Variants in STON2 observed in about 807,000 individuals in gnomAD.
The protein encoded by STON2 is stonin 2, also known as stonin-2.
In STON2, 29 loss-of-function variants were observed where a neutral mutation model predicts 65.7. The observed-to-expected ratio is 0.44, with a 90% CI of 0.33 to 0.60. The LOEUF (loss-of-function observed/expected upper bound fraction) is 0.60. Among genes scored for constraint, STON2 ranks in the 20% least tolerant of loss-of-function variants. The pLI, the probability that STON2 is intolerant of heterozygous loss-of-function variation, is 0.03. For missense variants in STON2, 1,054 were observed against 1,118.1 expected (o/e 0.94, Z 0.82); for synonymous variants, 404 against 414.2 (o/e 0.98, Z 0.30).
chr14:81,267,690 C>T lies in STON2; in HGVS notation c.*724G>A, dbSNP rs1894410149. The T allele has an allele frequency of 1.0e-6, 1 of 985,436 alleles. No individual in the cohort carries two copies. The highest frequency in any genetic ancestry group is 1.2e-6 in the Non-Finnish European group (1 of 829,918). 61.0% of individuals were successfully genotyped at this position (985,436 alleles called of 1,614,324 possible). A position where few individuals can be genotyped will look rare whatever the true frequency, so the allele number is the denominator to read the frequency against. ...AAGATTAATTTTGCCTTCCCCTCAA[C>T]ACCCATTTTGCAGAATGTGGGTCCA... On this transcript the variant is annotated 3_prime_UTR_variant, in exon 8 of 8. Coordinates refer to ENST00000614646, the MANE Select transcript of STON2 (RefSeq NM_001394390.1).
At chr14:81,308,781 C>CACATATATATATAT (rs1317324049) in intron 5 of STON2, among the ~76,000 whole-genome samples, 18 of 9,034 alleles carry the variant, frequency 2.0e-3, no homozygotes, top group Non-Finnish European at 2.2e-3. Flanking sequence ...TGGTTTTACC[C>CACATATATATATAT]ATATATATAT....
intron 3 of STON2, chr14:81,395,155 T>C (rs976073830): frequency 6.6e-6 from 1 of 152,238 alleles, no homozygotes; most frequent in African/African-American, 2.4e-5. Context: ...ATTCAAGAGT[T>C]CTGAAGTGTG....
chr14:81,371,761 A>G (rs1230115505), intron 3 of STON2, among the ~76,000 whole-genome samples: 1 of 152,110 alleles, frequency 6.6e-6, no homozygotes, highest in Non-Finnish European at 1.5e-5. Flanking sequence ...AACACAAGTT[A>G]CTTCAGGGTC....
chr14:81,375,957 C>A (rs1899233553), intron 3 of STON2, among the ~76,000 whole-genome samples: 1 of 150,650 alleles, frequency 6.6e-6, no homozygotes, highest in African/African-American at 2.4e-5. Flanking sequence ...AAGAAACATA[C>A]TTCTAAATAA....
intron 2 of STON2, chr14:81,413,091 A>T: frequency 9.0e-7 from 1 of 1,113,466 alleles, no homozygotes; most frequent in Non-Finnish European, 1.3e-6. Flanking sequence ...ACTGTGGCTC[A>T]TATCAAGAAG....
At chr14:81,403,047 A>C (rs185042563), upstream of STON2, among the ~76,000 whole-genome samples, 1 of 152,306 alleles carries the variant, frequency 6.6e-6, no homozygotes, top group East Asian at 1.9e-4. Context: ...GCACTTTGTG[A>C]ATCTGGCCCT....
In STON2 at chr14:81,333,199, T is replaced by A. The variant is rs1173683491; in HGVS notation, c.572-9012A>T. Reference sequence around the variant, plus strand: ...TCTGAATCCAAGTACAAAGATGACATCCAGTGTGGTCTTGTACATTTTTGC... The same window carrying A: ...TCTGAATCCAAGTACAAAGATGACAACCAGTGTGGTCTTGTACATTTTTGC... On this transcript the variant is annotated intron_variant, in intron 4 of 7. Coordinates refer to ENST00000614646, the MANE Select transcript of STON2 (RefSeq NM_001394390.1). The A allele has an allele frequency of 2.6e-5, 27 of 1,040,036 alleles. No individual in the cohort carries two copies. The South Asian group carries it at 3.1e-4, about 12-fold the overall frequency. The allele number at this position is 1,040,036 out of a possible 1,614,324, so 64.4% of individuals were successfully genotyped here.
intron 3 of STON2, among the ~76,000 whole-genome samples, chr14:81,388,974 TCTC>T (rs1454913111): frequency 6.6e-6 from 1 of 152,084 alleles, no homozygotes; most frequent in East Asian, 1.9e-4. Flanking sequence ...TCCTCCTCCT[TCTC>T]CTCCCACCAC....
chr14:81,320,218 T>C (rs1240302489), intron 5 of STON2, among the ~76,000 whole-genome samples: 2 of 151,482 alleles, frequency 1.3e-5, no homozygotes, highest in Non-Finnish European at 2.9e-5. Flanking sequence ...GCAAGCAGAA[T>C]TGTGTAAGTG....
At chr14:81,269,365 A>G (rs1376824699) in intron 7 of STON2, 2 of 985,318 alleles carry the variant, frequency 2.0e-6, no homozygotes, top group African/African-American at 3.5e-5. Flanking sequence ...GAATGTTTAC[A>G]GTTCTGCAAT....
intron 2 of STON2, among the ~76,000 whole-genome samples, chr14:81,408,551 A>G (rs1900989813): frequency 6.6e-6 from 1 of 152,214 alleles, no homozygotes; most frequent in African/African-American, 2.4e-5. Context: ...ACTTGTGTGT[A>G]TGAGTGTGTG....
intron 4 of STON2, among the ~76,000 whole-genome samples, chr14:81,351,154 T>G (rs1000420175): frequency 6.6e-6 from 1 of 151,312 alleles, no homozygotes; most frequent in Admixed American, 6.6e-5. Flanking sequence ...TGCTTGAGAC[T>G]AAGGTATTTT....
chr14:81,265,647 GTAATAA>G lies in STON2; in HGVS notation c.*2761_*2766del, dbSNP rs56269329. The G allele has an allele frequency of 2.5e-4, 91 of 364,388 alleles. No homozygotes were observed. The highest frequency in any genetic ancestry group is 1.8e-3 in the Admixed American group (26 of 14,354). 22.6% of individuals were successfully genotyped at this position (364,388 alleles called of 1,614,324 possible). On this transcript the variant is annotated 3_prime_UTR_variant, in exon 8 of 8. Coordinates refer to ENST00000614646, the MANE Select transcript of STON2 (RefSeq NM_001394390.1). ...GCGACAAGAGCGAAACTTTGTCTCAGTAATAATAATAATAATAATAATAATAATACT... is the reference window on the plus strand; with the variant it reads ...GCGACAAGAGCGAAACTTTGTCTCAGTAATAATAATAATAATAATAATACT...
At chr14:81,372,390 T>TA (rs763123577) in intron 3 of STON2, among the ~76,000 whole-genome samples, 10 of 151,696 alleles carry the variant, frequency 6.6e-5, no homozygotes, top group Admixed American at 1.3e-4. Context: ...CCGTCTCTGC[T>TA]AAAAAAATAC....
rs141736505 is a variant in STON2 at position 81,306,153 on chromosome 14, ATC to A, written c.742+17862_742+17863del. On this transcript the variant is annotated intron_variant, in intron 5 of 7. Transcript: ENST00000614646. ...CAAAGAATCCTATTGATTCTTTTAA[ATC>A]TCTCTCTCTCTCTATATATATATAT... Among the ~76,000 whole-genome samples, 78 of 130,014 alleles carry A rather than the reference ATC, an allele frequency of 6.0e-4. 1 individual carries two copies. The highest frequency in any genetic ancestry group is 4.3e-3 in the Middle Eastern group (1 of 234). The allele number at this position is 130,014 out of a possible 152,430, so 85.3% of individuals were successfully genotyped here.
rs570715514 is a variant in STON2, at chr14:81,274,872, T to G, written c.2581+2029A>C. 7.7e-4 allele frequency among the ~76,000 whole-genome samples: 117 copies of G among 152,166 alleles called. 3 individuals are homozygous for G. The South Asian group carries it at 0.024, about 31-fold the overall frequency. On this transcript the variant is annotated intron_variant, in intron 6 of 7. Transcript: ENST00000614646. ...GTGAGCCAAGATCGCACCACTGCACTTCAGCCTGGGCAACACAGCGAGACT... is the reference window on the plus strand; with the variant it reads ...GTGAGCCAAGATCGCACCACTGCACGTCAGCCTGGGCAACACAGCGAGACT...
chr14:81,432,957 G>C (rs1902277146), intron 1 of STON2, among the ~76,000 whole-genome samples: 1 of 152,172 alleles, frequency 6.6e-6, no homozygotes, highest in Non-Finnish European at 1.5e-5. Flanking sequence ...TTCAAAGGGT[G>C]GGACCAGCGG....
At chr14:81,372,172 G>A (rs12434248) in intron 3 of STON2, among the ~76,000 whole-genome samples, 76,229 of 151,978 alleles carry the variant, frequency 0.5, 19,625 homozygotes, top group East Asian at 0.73. Context: ...GTTTTTTAAA[G>A]TCTTTCAAAT....
intron 4 of STON2, among the ~76,000 whole-genome samples, chr14:81,349,757 T>C (rs1468526733): frequency 6.6e-6 from 1 of 152,154 alleles, no homozygotes; most frequent in East Asian, 1.9e-4. Flanking sequence ...TATCTGTTTA[T>C]CAAAGGTGTA....
Sources: gnomAD v4.1 joint callset for allele counts (sites outside exome capture counted in the v4.1 genomes callset) on GRCh38, gnomAD v4.1.1 for gene constraint, MANE v1.5 for transcripts, NCBI Gene and HGNC (gene_info 2026-07-23, HGNC 2026-07-21) for gene names.